The following ACKR2 variants were observed in gnomAD, a reference collection of about 807,000 sequenced individuals.
The protein encoded by ACKR2 is C-C chemokine receptor D6.
For missense variants in ACKR2, 457 were observed against 477.3 expected (o/e 0.96, Z 0.40); for synonymous variants, 207 against 192.2 (o/e 1.08, Z -0.64).
intron 1 of ACKR2, among the ~76,000 whole-genome samples, chr3:42,814,557 TA>T (rs1361125353): frequency 6.6e-6 from 1 of 152,244 alleles, no homozygotes; most frequent in Non-Finnish European, 1.5e-5. Context: ...ACATCCTTTT[TA>T]AAAAGTACTG....
chr3:42,811,480 C>T (rs188771437), intron 1 of ACKR2, among the ~76,000 whole-genome samples: 200 of 152,312 alleles, frequency 1.3e-3, no homozygotes, highest in African/African-American at 4.5e-3. Flanking sequence ...TAACGAACTG[C>T]GGAAAGCCGC....
intron 2 of ACKR2, among the ~76,000 whole-genome samples, chr3:42,838,855 G>T (rs1174960769): frequency 6.6e-6 from 1 of 152,212 alleles, no homozygotes; most frequent in Non-Finnish European, 1.5e-5. Context: ...TGTAAATGTT[G>T]CTAGAGGGAA....
At chr3:42,860,268 T>A (rs1004734459) in intron 2 of ACKR2, among the ~76,000 whole-genome samples, 2 of 137,706 alleles carry the variant, frequency 1.5e-5, no homozygotes, top group Admixed American at 7.7e-5. Context: ...GGGCATTACA[T>A]AATGGTAAAG....
At chr3:42,863,653 A>G (rs947683611) in intron 2 of ACKR2, among the ~76,000 whole-genome samples, 4 of 152,260 alleles carry the variant, frequency 2.6e-5, no homozygotes, top group African/African-American at 4.8e-5. Context: ...AATGTAGCAC[A>G]TACACAGCAT....
intron 2 of ACKR2, among the ~76,000 whole-genome samples, chr3:42,828,303 G>T (rs562195614): frequency 6.6e-6 from 1 of 151,980 alleles, no homozygotes; most frequent in East Asian, 1.9e-4. Flanking sequence ...TAGAGATGGG[G>T]TTTCACTATG....
chr3:42,843,239 T>G (rs1701058755), intron 2 of ACKR2, among the ~76,000 whole-genome samples: 1 of 151,040 alleles, frequency 6.6e-6, no homozygotes, highest in Admixed American at 6.6e-5. Context: ...CCCAGCTAAT[T>G]TTTGTATTTT....
At chr3:42,851,295 G>T in intron 2 of ACKR2, 2 of 932,408 alleles carry the variant, frequency 2.1e-6, no homozygotes, top group Non-Finnish European at 2.6e-6. Flanking sequence ...TTTTATTCCA[G>T]TTGAAAGCAG....
At chr3:42,810,467 A>G (rs1373441011) in intron 1 of ACKR2, among the ~76,000 whole-genome samples, 1 of 151,144 alleles carries the variant, frequency 6.6e-6, no homozygotes, top group Non-Finnish European at 1.5e-5. Context: ...TTAAATGCCC[A>G]GGCACGCCAC....
chr3:42,853,111 GT>G (rs1038369613), intron 2 of ACKR2, among the ~76,000 whole-genome samples: 1 of 152,174 alleles, frequency 6.6e-6, no homozygotes, highest in Non-Finnish European at 1.5e-5. Context: ...TATCTTCATT[GT>G]GTTTTATAAA....
chr3:42,830,448 C>T (rs1217627546), intron 2 of ACKR2, among the ~76,000 whole-genome samples: 1 of 152,136 alleles, frequency 6.6e-6, no homozygotes, highest in Non-Finnish European at 1.5e-5. Flanking sequence ...CCTCTTCCTT[C>T]ATTCTGTAAT....
intron 2 of ACKR2, chr3:42,856,361 G>A (rs2125622107): frequency 1.4e-6 from 1 of 702,600 alleles, no homozygotes. Flanking sequence ...GCTCCCTCAG[G>A]AGAGGTTCTG....
intron 2 of ACKR2, among the ~76,000 whole-genome samples, chr3:42,862,997 A>G (rs139024332): frequency 0.037 from 5,595 of 152,334 alleles, 180 homozygotes; most frequent in African/African-American, 0.083. Context: ...CAAAAGCCAA[A>G]ATTGACAAAT....
chr3:42,828,094 T>A (rs13093746), intron 2 of ACKR2, among the ~76,000 whole-genome samples: 208 of 71,508 alleles, frequency 2.9e-3, no homozygotes, highest in African/African-American at 7.4e-3. Context: ...ATATATATAT[T>A]TTTTTTTTTT....
chr3:42,815,488 C>G (rs1429636362), intron 1 of ACKR2, among the ~76,000 whole-genome samples: 1 of 152,204 alleles, frequency 6.6e-6, no homozygotes, highest in African/African-American at 2.4e-5. Flanking sequence ...GTACCCTTTA[C>G]ACTGCAGAGT....
chr3:42,863,806 C>A (rs1458134561), intron 2 of ACKR2, among the ~76,000 whole-genome samples: 3 of 151,770 alleles, frequency 2.0e-5, no homozygotes, highest in African/African-American at 7.3e-5. Flanking sequence ...GGGAGTTGAA[C>A]AATGATAACA....
chr3:42,839,581 C>T (rs975628333), intron 2 of ACKR2, among the ~76,000 whole-genome samples: 15 of 152,116 alleles, frequency 9.9e-5, no homozygotes, highest in Admixed American at 7.9e-4. Flanking sequence ...ATGTTCTATA[C>T]GACCGGTTAG....
In ACKR2 at chr3:42,813,468, G is replaced by A. The variant is rs572790973; in HGVS notation, c.-119+3936G>A. On this transcript the variant is annotated intron_variant, in intron 1 of 2. Coordinates refer to ENST00000422265, the MANE Select transcript of ACKR2 (RefSeq NM_001296.5). ...CTCAGGAAACTTAACAATCATGGTG[G>A]AAGATGAAGGGGAAGCAAACCTGTC... 6.6e-5 allele frequency among the ~76,000 whole-genome samples: 10 copies of A among 152,314 alleles called. No individual in the cohort carries two copies. In the East Asian group the frequency reaches 1.9e-3, roughly 29 times the overall value.
intron 1 of ACKR2, among the ~76,000 whole-genome samples, chr3:42,812,982 C>T (rs755843617): frequency 6.6e-6 from 1 of 152,168 alleles, no homozygotes; most frequent in Non-Finnish European, 1.5e-5. Flanking sequence ...AGCCACTATG[C>T]CCGGCCTTCA....
intron 2 of ACKR2, chr3:42,851,236 C>A: frequency 2.8e-6 from 1 of 353,904 alleles, no homozygotes; most frequent in Non-Finnish European, 4.0e-6. Flanking sequence ...AGAAATAGCT[C>A]ATGGCTATGC....
Sources: allele counts gnomAD v4.1 joint callset (sites outside exome capture counted in the v4.1 genomes callset), GRCh38; gene constraint gnomAD v4.1.1; transcripts MANE v1.5; gene names NCBI Gene and HGNC (gene_info 2026-07-23, HGNC 2026-07-21).